The following ACVR1B variants were observed in gnomAD, a reference collection of about 807,000 sequenced individuals.
The protein encoded by ACVR1B is activin receptor type-1B.
Under a neutral mutation model 55.6 loss-of-function variants are expected in ACVR1B, and 15 were observed. That is an observed-to-expected ratio of 0.27 (90% CI 0.18 to 0.42). The LOEUF is 0.42. Ranked by LOEUF, ACVR1B falls within the 10% of genes least tolerant of loss-of-function variation. The pLI, the probability that ACVR1B is intolerant of heterozygous loss-of-function variation, is 1.00. For synonymous variants in ACVR1B, 247 were observed against 254.6 expected (o/e 0.97, Z 0.28); for missense variants, 359 against 670.1 (o/e 0.54, Z 5.13).
At chr12:51,991,832 TAACTC>T in intron 7 of ACVR1B, 26 bp from the exon 8 acceptor site, 1 of 1,603,482 alleles carries the variant, frequency 6.2e-7, no homozygotes, top group Non-Finnish European at 8.5e-7. Context: ...CTGCTGTTGA[TAACTC>T]AGGTAGATAC....
At chr12:51,956,391 A>G (rs995041080) in intron 1 of ACVR1B, among the ~76,000 whole-genome samples, 1 of 152,256 alleles carries the variant, frequency 6.6e-6, no homozygotes, top group Non-Finnish European at 1.5e-5. Flanking sequence ...GGCATGGGGA[A>G]ATAACAGAGA....
intron 7 of ACVR1B, among the ~76,000 whole-genome samples, chr12:51,991,304 A>G (rs1240768167): frequency 6.6e-6 from 1 of 152,158 alleles, no homozygotes; most frequent in Non-Finnish European, 1.5e-5. Context: ...GAGCTTATCA[A>G]GTTGGTGCCT....
chr12:51,975,176 T>G, intron 1 of ACVR1B, 89 bp from the exon 2 acceptor site: 1 of 1,518,874 alleles, frequency 6.6e-7, no homozygotes, highest in Non-Finnish European at 8.8e-7. Context: ...GAACATCAAG[T>G]ATGCTAAGGG....
chr12:51,977,541 C>T (rs1360511551), intron 3 of ACVR1B, among the ~76,000 whole-genome samples: 1 of 151,756 alleles, frequency 6.6e-6, no homozygotes. Context: ...AAGTGATCCG[C>T]CTGCCTCGTA....
chr12:51,952,575 C>T (rs1941322914), intron 1 of ACVR1B, among the ~76,000 whole-genome samples: 1 of 152,130 alleles, frequency 6.6e-6, no homozygotes, highest in African/African-American at 2.4e-5. Context: ...AATCCCTAAC[C>T]CTATGGAACC....
At chr12:51,982,805 C>T in intron 4 of ACVR1B, 1 of 1,514,820 alleles carries the variant, frequency 6.6e-7, no homozygotes, top group South Asian at 1.3e-5. Context: ...TTTATTCCCA[C>T]TGAGTAAGCT....
intron 1 of ACVR1B, among the ~76,000 whole-genome samples, chr12:51,954,453 T>C (rs1941371393): frequency 6.6e-6 from 1 of 152,198 alleles, no homozygotes; most frequent in South Asian, 2.1e-4. Flanking sequence ...ATTTTGAAAT[T>C]TTGTGAGCGG....
At position 51,991,746 on chromosome 12, in the gene ACVR1B, C is replaced by A. The variant is rs1942195539; in HGVS notation, c.1262-117C>A. The A allele has an allele frequency of 4.4e-6, 5 of 1,147,718 alleles. No individual in the cohort carries two copies. The South Asian group carries it at 8.1e-5, about 19-fold the overall frequency. The allele number at this position is 1,147,718 out of a possible 1,614,324, so 71.1% of individuals were successfully genotyped here. On this transcript the variant is annotated intron_variant, in intron 7 of 8. Transcript: ENST00000257963. ...TCCATACTTAGAATTAACTAACTTT[C>A]TAAGGAACCTTAGGGGGTAGTGGTA... is the stretch of plus-strand genomic sequence containing the variant.
chr12:51,991,742 C>T, intron 7 of ACVR1B, 121 bp from the exon 8 acceptor site: 1 of 1,107,422 alleles, frequency 9.0e-7, no homozygotes, highest in Non-Finnish European at 1.3e-6. Context: ...AATTAACTAA[C>T]TTTCTAAGGA....
At chr12:51,955,866 G>A (rs1941398801) in intron 1 of ACVR1B, among the ~76,000 whole-genome samples, 1 of 152,214 alleles carries the variant, frequency 6.6e-6, no homozygotes, top group Non-Finnish European at 1.5e-5. Context: ...AACCTTTTAA[G>A]TCCAACTTAC....
intron 1 of ACVR1B, among the ~76,000 whole-genome samples, chr12:51,965,082 C>T (rs993405450): frequency 2.6e-5 from 4 of 152,030 alleles, no homozygotes; most frequent in African/African-American, 7.2e-5. Flanking sequence ...CATATGTTTA[C>T]TCTATGTGTA....
chr12:51,981,295 T>C (rs1941972719), intron 4 of ACVR1B, 96 bp downstream of exon 4: 1 of 1,080,236 alleles, frequency 9.3e-7, no homozygotes, highest in Non-Finnish European at 1.3e-6. Context: ...TTCATCATTG[T>C]AACCCGTAGA....
At chr12:51,962,355 A>G (rs1480295591) in intron 1 of ACVR1B, among the ~76,000 whole-genome samples, 2 of 151,924 alleles carry the variant, frequency 1.3e-5, no homozygotes, top group African/African-American at 2.4e-5. Context: ...TTTTACCAGT[A>G]CATTTGTTGT....
intron 1 of ACVR1B, among the ~76,000 whole-genome samples, chr12:51,954,104 C>G (rs1323684513): frequency 2.0e-5 from 3 of 152,054 alleles, no homozygotes; most frequent in African/African-American, 7.2e-5. Context: ...ATTTTTTTCC[C>G]CTCCCCTGCA....
At position 51,994,574 on chromosome 12, in the gene ACVR1B, G is replaced by C. The variant is rs1229930777; in HGVS notation, c.*464G>C. ...CAGCCCCTCTCACAGGCAGCTCTGA[G>C]CCGCGCTTTCCCCTCCTCCCTGGGA... On this transcript the variant is annotated 3_prime_UTR_variant, in exon 9 of 9. Transcript: ENST00000257963. This position sits in a 1 kb window ranked among gnomAD's most constrained non-coding sequence, Gnocchi z 4.2. 1.9e-5 allele frequency: 3 copies of C among 160,320 alleles called. No individual in the cohort carries two copies. The South Asian group carries it at 5.2e-4, about 28-fold the overall frequency. The allele number at this position is 160,320 out of a possible 1,614,324, so 9.9% of individuals were successfully genotyped here.
At chr12:51,967,803 T>A (rs1399056351) in intron 1 of ACVR1B, among the ~76,000 whole-genome samples, 1 of 152,226 alleles carries the variant, frequency 6.6e-6, no homozygotes, top group African/African-American at 2.4e-5. Context: ...ACTTGCCTAG[T>A]GTTGCTAAGC....
chr12:51,964,903 AT>A (rs993746788), intron 1 of ACVR1B, among the ~76,000 whole-genome samples: 19 of 147,318 alleles, frequency 1.3e-4, no homozygotes, highest in Admixed American at 3.4e-4. Context: ...CTCCAACTTT[AT>A]TTTTTTTTTC....
At chr12:51,952,587 A>T (rs1941323391) in intron 1 of ACVR1B, among the ~76,000 whole-genome samples, 1 of 152,128 alleles carries the variant, frequency 6.6e-6, no homozygotes, top group Non-Finnish European at 1.5e-5. Context: ...TATGGAACCG[A>T]GTTCCCCAAG....
chr12:51,963,996 G>C (rs749370300), intron 1 of ACVR1B, among the ~76,000 whole-genome samples: 9 of 152,178 alleles, frequency 5.9e-5, no homozygotes, highest in Non-Finnish European at 1.3e-4. Context: ...TGGATATAAA[G>C]TAGTATCTCA....
Sources: gnomAD v4.1 joint callset for allele counts (sites outside exome capture counted in the v4.1 genomes callset) on GRCh38, gnomAD v4.1.1 for gene constraint, Gnocchi (gnomAD v3.1) non-coding constraint, MANE v1.5 for transcripts, NCBI Gene and HGNC (gene_info 2026-07-23, HGNC 2026-07-21) for gene names.